Variants in ANKIB1 observed in about 807,000 individuals in gnomAD.
ANKIB1 encodes the protein ankyrin repeat and IBR domain-containing protein 1.
Under a neutral mutation model 122.1 loss-of-function variants are expected in ANKIB1, and 43 were observed. The ratio of observed to expected loss-of-function variants is 0.35; its 90% CI spans 0.28 to 0.45. The LOEUF (loss-of-function observed/expected upper bound fraction) is 0.45. ANKIB1 is among the 20% of genes least tolerant of loss of function. The pLI, the probability that ANKIB1 is intolerant of heterozygous loss-of-function variation, is 1.00. For missense variants in ANKIB1, 992 were observed against 1,329.5 expected (o/e 0.75, Z 3.95); for synonymous variants, 390 against 442.0 (o/e 0.88, Z 1.48).
At chr7:92,382,838 G>A (rs1183333937) in intron 11 of ANKIB1, among the ~76,000 whole-genome samples, 1 of 152,076 alleles carries the variant, frequency 6.6e-6, no homozygotes, top group Non-Finnish European at 1.5e-5. Flanking sequence ...AACTAGAGAA[G>A]CAAGAGCAAA....
intron 3 of ANKIB1, among the ~76,000 whole-genome samples, chr7:92,308,462 C>T (rs1191622550): frequency 6.6e-6 from 1 of 152,020 alleles, no homozygotes; most frequent in Non-Finnish European, 1.5e-5. Context: ...TTGATAAGCT[C>T]ACTAAGCAAT....
intron 1 of ANKIB1, among the ~76,000 whole-genome samples, chr7:92,254,703 G>A (rs1037173800): frequency 6.6e-6 from 1 of 152,042 alleles, no homozygotes; most frequent in African/African-American, 2.4e-5. Context: ...ATATGTTGGT[G>A]TTCTTTGATA....
In ANKIB1 at chr7:92,307,513, G is replaced by C. The variant is rs1447606902; in HGVS notation, c.343G>C (p.Asp115His). 1.9e-6 allele frequency: 3 copies of C among 1,613,878 alleles called. No homozygotes were observed. The highest frequency in any genetic ancestry group is 1.3e-5 in the African/African-American group (1 of 75,022). ...RPTEDDFRRA[D>H]CLQMILKWKG... ...CACAGAAGATGATTTCAGAAGAGCA[G>C]ATTGTCTGCAGATGATCTTAAAATG... Residue 115 changes from aspartate (D) to histidine (H), a missense_variant, in exon 3 of 20, where the codon GAT becomes CAT. Asp to His is a moderately conservative substitution (Grantham distance 81). Coordinates refer to ENST00000265742, the MANE Select transcript of ANKIB1 (RefSeq NM_019004.2).
At chr7:92,382,789 A>G (rs1804546949) in intron 11 of ANKIB1, among the ~76,000 whole-genome samples, 1 of 152,232 alleles carries the variant, frequency 6.6e-6, no homozygotes, top group African/African-American at 2.4e-5. Context: ...AGAAAGCAGG[A>G]AAGATCTAAA....
intron 1 of ANKIB1, among the ~76,000 whole-genome samples, chr7:92,260,338 C>G (rs1013784927): frequency 6.6e-6 from 1 of 152,160 alleles, no homozygotes; most frequent in Admixed American, 6.5e-5. Flanking sequence ...TACTCTTTCC[C>G]CTAGATACCA....
intron 1 of ANKIB1, among the ~76,000 whole-genome samples, chr7:92,290,359 A>G (rs1802219794): frequency 6.8e-6 from 1 of 146,720 alleles, no homozygotes; most frequent in South Asian, 2.1e-4. Context: ...TAAATTGAGT[A>G]TATGTATGAA....
At chr7:92,396,503 A>C (rs1319600008) in intron 18 of ANKIB1, 27 bp downstream of exon 18, 1 of 1,117,398 alleles carries the variant, frequency 8.9e-7, no homozygotes, top group Non-Finnish European at 1.3e-6. Flanking sequence ...AGTATGGTTT[A>C]ATCTCATAGC....
At chr7:92,371,070 C>T (rs1804239379) in intron 10 of ANKIB1, among the ~76,000 whole-genome samples, 1 of 151,896 alleles carries the variant, frequency 6.6e-6, no homozygotes. Context: ...AGTTTCTGAT[C>T]ATTATATTTG....
At chr7:92,313,081 A>T (rs951310382) in intron 3 of ANKIB1, among the ~76,000 whole-genome samples, 1 of 152,152 alleles carries the variant, frequency 6.6e-6, no homozygotes, top group African/African-American at 2.4e-5. Flanking sequence ...GGTGAATGTG[A>T]CAGGGGTTGT....
chr7:92,324,922 T>C (rs1802992411), intron 4 of ANKIB1, among the ~76,000 whole-genome samples: 1 of 152,238 alleles, frequency 6.6e-6, no homozygotes, highest in Non-Finnish European at 1.5e-5. Flanking sequence ...TCTAGGTGTT[T>C]ACGTTCCAAC....
intron 5 of ANKIB1, among the ~76,000 whole-genome samples, chr7:92,340,469 G>T (rs1803413968): frequency 6.6e-6 from 1 of 152,062 alleles, no homozygotes; most frequent in South Asian, 2.1e-4. Context: ...GTGGGGAAAG[G>T]ATATATAATT....
chr7:92,278,803 G>A (rs1276993471), intron 1 of ANKIB1, among the ~76,000 whole-genome samples: 2 of 152,068 alleles, frequency 1.3e-5, no homozygotes, highest in East Asian at 3.9e-4. Flanking sequence ...ATCCCATTTT[G>A]GGGAAAGCTT....
intron 1 of ANKIB1, among the ~76,000 whole-genome samples, chr7:92,264,395 A>AT (rs879654991): frequency 1.8e-4 from 27 of 147,264 alleles, no homozygotes; most frequent in South Asian, 6.4e-4. Context: ...GTCAATAAAA[A>AT]TTTTTTTTTT....
chr7:92,324,648 T>C (rs528207920), intron 4 of ANKIB1, among the ~76,000 whole-genome samples: 16 of 152,358 alleles, frequency 1.1e-4, no homozygotes, highest in African/African-American at 3.4e-4. Context: ...TTACATGGCC[T>C]GCTGTGTGAT....
intron 5 of ANKIB1, among the ~76,000 whole-genome samples, chr7:92,329,128 C>T (rs62467838): frequency 2.8e-4 from 42 of 151,750 alleles, no homozygotes; most frequent in African/African-American, 8.2e-4. Context: ...CCACCACACC[C>T]GGCTAATTTT....
At chr7:92,325,890 CT>C in intron 4 of ANKIB1, 1 of 434,024 alleles carries the variant, frequency 2.3e-6, no homozygotes, top group Non-Finnish European at 4.6e-6. Context: ...ATTCACGTTT[CT>C]TTTTAATTTA....
At chr7:92,280,131 C>G (rs897890212) in intron 1 of ANKIB1, among the ~76,000 whole-genome samples, 1 of 152,118 alleles carries the variant, frequency 6.6e-6, no homozygotes, top group African/African-American at 2.4e-5. Flanking sequence ...GAGTTTTGTC[C>G]CATTAACTGT....
intron 5 of ANKIB1, 96 bp downstream of exon 5, chr7:92,327,996 A>C (rs1380650995): frequency 1.3e-6 from 1 of 770,192 alleles, no homozygotes; most frequent in Non-Finnish European, 2.0e-6. Context: ...AATACAGAAC[A>C]AAATGGTTTG....
intron 7 of ANKIB1, among the ~76,000 whole-genome samples, chr7:92,347,087 G>A (rs1803556806): frequency 6.6e-6 from 1 of 152,172 alleles, no homozygotes; most frequent in African/African-American, 2.4e-5. Flanking sequence ...AACCAAGGAA[G>A]CATTTTTAAA....
Sources: gnomAD v4.1 joint callset for allele counts (sites outside exome capture counted in the v4.1 genomes callset) on GRCh38, gnomAD v4.1.1 for gene constraint, MANE v1.5 for transcripts, NCBI Gene and HGNC (gene_info 2026-07-23, HGNC 2026-07-21) for gene names.